BNC2: variants seen among roughly 807,000 people sequenced by gnomAD.
The protein encoded by BNC2 is basonuclin zinc finger protein 2, also known as zinc finger protein basonuclin-2.
In BNC2, 20 loss-of-function variants were observed where a neutral mutation model predicts 76.3. The ratio of observed to expected loss-of-function variants is 0.26; its 90% CI spans 0.18 to 0.38. The LOEUF (loss-of-function observed/expected upper bound fraction) is 0.38. Among genes scored for constraint, BNC2 ranks in the 10% least tolerant of loss-of-function variants. The pLI is 1.00. For missense variants in BNC2, 1,382 were observed against 1,399.8 expected (o/e 0.99, Z 0.20); for synonymous variants, 582 against 514.8 (o/e 1.13, Z -1.77).
At chr9:16,473,518 C>A (rs1821866877) in intron 5 of BNC2, among the ~76,000 whole-genome samples, 1 of 152,200 alleles carries the variant, frequency 6.6e-6, no homozygotes, top group Non-Finnish European at 1.5e-5. Context: ...CTTAGACAGT[C>A]ACCTCACCTC....
At chr9:16,579,027 G>C (rs1819560014) in intron 4 of BNC2, among the ~76,000 whole-genome samples, 1 of 152,060 alleles carries the variant, frequency 6.6e-6, no homozygotes, top group African/African-American at 2.4e-5. Context: ...AATAAGCCCT[G>C]CTTTCTATTA....
chr9:16,859,286 G>A (rs368884214), intron 1 of BNC2, among the ~76,000 whole-genome samples: 28 of 152,228 alleles, frequency 1.8e-4, no homozygotes, highest in African/African-American at 6.7e-4. Context: ...ATAGAAAACA[G>A]TATGGAGGTT....
intron 5 of BNC2, among the ~76,000 whole-genome samples, chr9:16,437,889 A>T (rs2130871634): frequency 6.6e-6 from 1 of 152,322 alleles, no homozygotes; most frequent in East Asian, 1.9e-4. Flanking sequence ...CTTGCTGTGA[A>T]ATCCAATATA....
chr9:16,788,300 TCCCAGCACTC>T (rs1375247968), intron 1 of BNC2, among the ~76,000 whole-genome samples: 1 of 151,964 alleles, frequency 6.6e-6, no homozygotes, highest in Non-Finnish European at 1.5e-5. Context: ...ACGCCTGTAA[TCCCAGCACTC>T]TGGGAGGCCA....
At chr9:16,536,892 G>A (rs1331114564) in intron 5 of BNC2, among the ~76,000 whole-genome samples, 1 of 152,054 alleles carries the variant, frequency 6.6e-6, no homozygotes, top group Non-Finnish European at 1.5e-5. Context: ...CTCATGAACT[G>A]TATGCTCCTC....
intron 5 of BNC2, among the ~76,000 whole-genome samples, chr9:16,494,782 A>G (rs1822351712): frequency 6.6e-6 from 1 of 152,070 alleles, no homozygotes; most frequent in South Asian, 2.1e-4. Context: ...GATTTTCATG[A>G]GAACACATGG....
chr9:16,581,426 C>T lies in BNC2; in HGVS notation c.433+1557G>A, dbSNP rs183638223. Reference sequence around the variant, plus strand: ...TACAAAAATTAGCTGGGTGTGGTGGCGCATGCCTGTAATCCCAGCTACTCA... The same window carrying T: ...TACAAAAATTAGCTGGGTGTGGTGGTGCATGCCTGTAATCCCAGCTACTCA... On this transcript the variant is annotated intron_variant, in intron 4 of 6. Transcript: ENST00000380672. Among the ~76,000 whole-genome samples the T allele has an allele frequency of 9.2e-5, 14 of 152,222 alleles. No homozygotes were observed. In the East Asian group the frequency reaches 2.7e-3, roughly 29 times the overall value.
intron 3 of BNC2, among the ~76,000 whole-genome samples, chr9:16,707,029 C>T (rs59583788): frequency 0.046 from 7,056 of 152,162 alleles, 220 homozygotes; most frequent in South Asian, 0.1. Flanking sequence ...GGTGAAACCC[C>T]GTCTCTACTA....
chr9:16,765,882 G>A (rs897929947), intron 1 of BNC2, among the ~76,000 whole-genome samples: 1 of 151,906 alleles, frequency 6.6e-6, no homozygotes, highest in Non-Finnish European at 1.5e-5. Context: ...TGCCTCCCGG[G>A]TTCACGCCAT....
chr9:16,839,214 A>G (rs190357989), intron 1 of BNC2, among the ~76,000 whole-genome samples: 1 of 152,334 alleles, frequency 6.6e-6, no homozygotes, highest in East Asian at 1.9e-4. Flanking sequence ...AACAGTTTGT[A>G]TATAATATAC....
chr9:16,444,874 G>A (rs1279153347), intron 5 of BNC2, among the ~76,000 whole-genome samples: 2 of 152,178 alleles, frequency 1.3e-5, no homozygotes, highest in Non-Finnish European at 2.9e-5. Context: ...TCTAAAGCCA[G>A]TATTTAAACC....
Position 16,856,277 on chromosome 9 carries a change from T to TCACACACA in BNC2, c.3+14361_3+14368dup, listed in dbSNP as rs5896710. ...TCTTCACACACACTCTCTCTCTCTC[T>TCACACACA]CACACACACACACACACACACACAC... On this transcript the variant is annotated intron_variant, in intron 1 of 6. Transcript: ENST00000380672. 3.5e-3 allele frequency among the ~76,000 whole-genome samples: 518 copies of TCACACACA among 148,224 alleles called. 12 individuals carry two copies. In the South Asian group the frequency reaches 0.058, roughly 17 times the overall value.
chr9:16,580,287 G>A, intron 4 of BNC2: 1 of 397,348 alleles, frequency 2.5e-6, no homozygotes, highest in Non-Finnish European at 4.4e-6. Flanking sequence ...GGGAGAGTGT[G>A]GGATTCACAT....
intron 4 of BNC2, among the ~76,000 whole-genome samples, chr9:16,556,595 C>G (rs913712799): frequency 4.6e-5 from 7 of 151,802 alleles, no homozygotes; most frequent in African/African-American, 1.7e-4. Flanking sequence ...TGGTGAAACC[C>G]TGTTTCTACT....
At chr9:16,827,607 A>T (rs1267749794) in intron 1 of BNC2, among the ~76,000 whole-genome samples, 1 of 152,204 alleles carries the variant, frequency 6.6e-6, no homozygotes, top group East Asian at 1.9e-4. Flanking sequence ...ACTTAAGTGC[A>T]TTGGGTCTCA....
intron 1 of BNC2, among the ~76,000 whole-genome samples, chr9:16,799,764 C>A (rs1310147299): frequency 1.3e-5 from 2 of 152,082 alleles, no homozygotes; most frequent in Non-Finnish European, 2.9e-5. Flanking sequence ...ACTGGAACAC[C>A]CACAAAACCA....
chr9:16,506,511 CTCTTTTTTTTTTTTTT>C (rs1272247041), intron 5 of BNC2, among the ~76,000 whole-genome samples: 2 of 81,448 alleles, frequency 2.5e-5, no homozygotes, highest in African/African-American at 1.1e-4. Context: ...TCTCTCTCTC[CTCTTTTTTTTTTTTTT>C]TTTTTTTTTT....
intron 3 of BNC2, among the ~76,000 whole-genome samples, chr9:16,601,511 C>T (rs1015677978): frequency 1.3e-5 from 2 of 152,150 alleles, no homozygotes; most frequent in Non-Finnish European, 2.9e-5. Context: ...AAGCAGTTTC[C>T]TGAGGAGGGC....
chr9:16,474,137 C>T (rs1215618806), intron 5 of BNC2, among the ~76,000 whole-genome samples: 1 of 152,128 alleles, frequency 6.6e-6, no homozygotes, highest in African/African-American at 2.4e-5. Flanking sequence ...TTTTTAACTG[C>T]ACTAACAGAA....
Sources: allele counts gnomAD v4.1 joint callset (sites outside exome capture counted in the v4.1 genomes callset), GRCh38; gene constraint gnomAD v4.1.1; transcripts MANE v1.5; gene names NCBI Gene and HGNC (gene_info 2026-07-23, HGNC 2026-07-21).